The following ABCA8 variants were observed in gnomAD, a reference collection of about 807,000 sequenced individuals.
ABCA8 encodes the protein ABC-type organic anion transporter ABCA8.
ABCA8 carries 177 observed loss-of-function variants against 192.3 expected under a neutral mutation model. That is an observed-to-expected ratio of 0.92 (90% CI 0.81 to 1.04). The LOEUF (loss-of-function observed/expected upper bound fraction) is 1.04. Among genes scored for constraint, ABCA8 ranks in the 50% least tolerant of loss-of-function variants. ABCA8 has a pLI of 0.00. For missense variants in ABCA8, 1,915 were observed against 1,904.8 expected (o/e 1.01, Z -0.10); for synonymous variants, 642 against 690.2 (o/e 0.93, Z 1.09).
At position 68,884,801 on chromosome 17, in the gene ABCA8, G is replaced by C. The variant is rs1567827095; in HGVS notation, c.3549+395C>G. On this transcript the variant is annotated intron_variant, in intron 27 of 39. Transcript: ENST00000586539. ...ACAGTAACTTCCTTCCTTTTGCATA[G>C]GTATAGGTATCAGTCAGCCAGAAAA... 3.0e-6 allele frequency: 3 copies of C among 985,148 alleles called. No individual in the cohort carries two copies. The African/African-American group carries it at 5.2e-5, about 17-fold the overall frequency. 61.0% of individuals were successfully genotyped at this position (985,148 alleles called of 1,614,324 possible).
At chr17:68,889,574 G>T (rs1458347188) in intron 24 of ABCA8, among the ~76,000 whole-genome samples, 3 of 151,936 alleles carry the variant, frequency 2.0e-5, no homozygotes, top group Non-Finnish European at 2.9e-5. Context: ...ACAAGAAAAA[G>T]TACCCATACT....
At chr17:68,936,224 T>G (rs770316674) in intron 5 of ABCA8, among the ~76,000 whole-genome samples, 8 of 152,140 alleles carry the variant, frequency 5.3e-5, no homozygotes, top group Non-Finnish European at 1.2e-4. Flanking sequence ...GTATTTGCTT[T>G]TGAGAACTAA....
rs1179318791 is a variant in ABCA8 at position 68,906,166 on chromosome 17, A to G, written c.2279-3T>C. The G allele has an allele frequency of 6.4e-7, 1 of 1,566,204 alleles. No individual in the cohort carries two copies. The highest frequency in any genetic ancestry group is 8.6e-7 in the Non-Finnish European group (1 of 1,161,038). The stretch of plus-strand genomic sequence containing the variant: ...GCTATCAAGATCCTTGTAAAGTTCT[A>G]AAGAATACATATACAGCAGTGAATT... On this transcript the variant is annotated splice_polypyrimidine_tract_variant and splice_region_variant and intron_variant, in intron 18 of 39. Transcript: ENST00000586539.
At chr17:68,954,980 A>T (rs1187949196) in intron 1 of ABCA8, among the ~76,000 whole-genome samples, 4 of 152,212 alleles carry the variant, frequency 2.6e-5, no homozygotes, top group East Asian at 1.9e-4. Flanking sequence ...TGTTTGCATA[A>T]TTTTTTAAAA....
chr17:68,896,177 C>T (rs961759531), intron 21 of ABCA8, among the ~76,000 whole-genome samples: 5 of 152,124 alleles, frequency 3.3e-5, no homozygotes, highest in African/African-American at 1.2e-4. Flanking sequence ...TAAGAGTGCA[C>T]CAAAAACCAT....
intron 32 of ABCA8, chr17:68,880,018 A>C (rs939254609): frequency 8.5e-5 from 13 of 152,094 alleles, no homozygotes; most frequent in Non-Finnish European, 4.4e-5. Context: ...GCCACCTTCA[A>C]GCTTCAGGGA....
In ABCA8 at chr17:68,871,668, AT is replaced by A. The variant is rs1377194189; in HGVS notation, c.4632-1890del. ...AGGCCACATAATGATGTCATAATCA[AT>A]AATGGACTACATATATGACAGTGAC... On this transcript the variant is annotated intron_variant, in intron 37 of 39. Transcript: ENST00000586539. 6.6e-5 allele frequency among the ~76,000 whole-genome samples: 10 copies of A among 152,184 alleles called. No individual in the cohort carries two copies. In the East Asian group the frequency reaches 1.7e-3, roughly 26 times the overall value.
chr17:68,916,746 G>C (rs2143592368), intron 17 of ABCA8, among the ~76,000 whole-genome samples: 1 of 152,188 alleles, frequency 6.6e-6, no homozygotes, highest in African/African-American at 2.4e-5. Context: ...GAAGATGAGA[G>C]ATGATGAAGG....
chr17:68,947,716 A>ATTAT (rs141125692), intron 2 of ABCA8, among the ~76,000 whole-genome samples: 58 of 151,422 alleles, frequency 3.8e-4, no homozygotes, highest in African/African-American at 1.2e-3. Flanking sequence ...TTATATTTAG[A>ATTAT]TTATTTATTT....
In ABCA8 at chr17:68,895,068, G is replaced by T. The variant is rs1027952680; in HGVS notation, c.2765-55C>A. On this transcript the variant is annotated intron_variant, in intron 21 of 39. Coordinates refer to ENST00000586539, the MANE Select transcript of ABCA8 (RefSeq NM_001288985.2). ...ACAAAACTAAAAACATTAATGTCAA[G>T]TTGTGTAGTCAAATTACAGTTAATG... is the stretch of plus-strand genomic sequence containing the variant. The T allele has an allele frequency of 2.7e-6, 4 of 1,472,564 alleles. No homozygotes were observed. In the African/African-American group the frequency reaches 4.2e-5, roughly 15 times the overall value. The allele number at this position is 1,472,564 out of a possible 1,614,324, so 91.2% of individuals were successfully genotyped here.
At chr17:68,953,798 A>C (rs2068636650) in intron 1 of ABCA8, among the ~76,000 whole-genome samples, 1 of 152,168 alleles carries the variant, frequency 6.6e-6, no homozygotes, top group Non-Finnish European at 1.5e-5. Context: ...ACTTGCTGAA[A>C]CTGTGATGTG....
chr17:68,869,308 A>C (rs1489098956), intron 38 of ABCA8, among the ~76,000 whole-genome samples: 2 of 152,214 alleles, frequency 1.3e-5, no homozygotes, highest in African/African-American at 4.8e-5. Context: ...GACAGGAGTC[A>C]GTTTCTTAAT....
intron 37 of ABCA8, among the ~76,000 whole-genome samples, chr17:68,874,311 C>A (rs1426811860): frequency 1.3e-5 from 2 of 152,196 alleles, no homozygotes; most frequent in Admixed American, 6.5e-5. Flanking sequence ...CTCCTCCATC[C>A]TACTCAAACT....
rs537735607 is a variant in ABCA8 at position 68,901,826 on chromosome 17, C to A, written c.2764+887G>T. 3.8e-3 allele frequency among the ~76,000 whole-genome samples: 558 copies of A among 145,348 alleles called. 2 individuals are homozygous for A. The highest frequency in any genetic ancestry group is 9.6e-3 in the African/African-American group (372 of 38,564). The stretch of plus-strand genomic sequence containing the variant: ...TCCATCTCAAAAAAAAAAAAAAAAA[C>A]CCCACAAAAATTTCTGGTGTGAATA... On this transcript the variant is annotated intron_variant, in intron 21 of 39. Transcript: ENST00000586539.
At chr17:68,872,395 A>G (rs907004155) in intron 37 of ABCA8, among the ~76,000 whole-genome samples, 1 of 136,220 alleles carries the variant, frequency 7.3e-6, no homozygotes, top group Non-Finnish European at 1.5e-5. Context: ...ACATGGACAC[A>G]GGAAGGGGAA....
chr17:68,879,965 C>T (rs1383486742), intron 32 of ABCA8: 3 of 152,228 alleles, frequency 2.0e-5, no homozygotes, highest in African/African-American at 4.8e-5. Flanking sequence ...AGACAGGTTC[C>T]TGGATAGAAA....
At chr17:68,895,221 T>G (rs1179644076) in intron 21 of ABCA8, among the ~76,000 whole-genome samples, 1 of 152,182 alleles carries the variant, frequency 6.6e-6, no homozygotes, top group Non-Finnish European at 1.5e-5. Context: ...ATGTAAAAGA[T>G]TTTTTTAGTT....
chr17:68,894,150 A>G, intron 23 of ABCA8, 23 bp downstream of exon 23: 2 of 1,611,086 alleles, frequency 1.2e-6, no homozygotes. Context: ...AGAGTCAGGA[A>G]TTGTAAGATT....
chr17:68,933,333 T>A, intron 5 of ABCA8, 62 bp from the exon 6 acceptor site: 1 of 1,097,222 alleles, frequency 9.1e-7, no homozygotes, highest in Non-Finnish European at 1.4e-6. Flanking sequence ...GAAATATGAT[T>A]TTAATACTGA....
Sources: gnomAD v4.1 joint callset for allele counts (sites outside exome capture counted in the v4.1 genomes callset) on GRCh38, gnomAD v4.1.1 for gene constraint, MANE v1.5 for transcripts, NCBI Gene and HGNC (gene_info 2026-07-23, HGNC 2026-07-21) for gene names.